Variants in LAMC2 observed in about 807,000 individuals in gnomAD.
The protein encoded by LAMC2 is laminin subunit gamma 2.
A neutral mutation model predicts 140.2 loss-of-function variants in LAMC2; 97 were observed. The ratio of observed to expected loss-of-function variants is 0.69; its 90% CI spans 0.59 to 0.82. The LOEUF is 0.82. LAMC2 is among the 40% of genes least tolerant of loss of function. LAMC2 has a pLI of 0.00. For synonymous variants in LAMC2, 513 were observed against 540.2 expected, an observed-to-expected ratio of 0.95 and a Z score of 0.70; for missense variants, 1,402 against 1,476.1, an observed-to-expected ratio of 0.95 and a Z score of 0.82.
At chr1:183,239,238 C>G (rs1660053491) in intron 19 of LAMC2, 126 bp from the exon 20 acceptor site, 1 of 885,378 alleles carries the variant, frequency 1.1e-6, no homozygotes, top group African/African-American at 1.6e-5. Context: ...CCGTAACTTC[C>G]CACACCGTCA....
chr1:183,192,148 A>G (rs1445137832), intron 1 of LAMC2, among the ~76,000 whole-genome samples: 5 of 152,208 alleles, frequency 3.3e-5, no homozygotes, highest in African/African-American at 7.2e-5. Flanking sequence ...GCACTGATCT[A>G]TGGAAGAACC....
intron 1 of LAMC2, among the ~76,000 whole-genome samples, chr1:183,201,109 G>C (rs1317022031): frequency 6.6e-6 from 1 of 152,156 alleles, no homozygotes; most frequent in Non-Finnish European, 1.5e-5. Context: ...GAGGGAGCTG[G>C]AGTGAGGGGG....
downstream of LAMC2, chr1:183,249,930 C>G (rs1660331109): frequency 6.6e-6 from 1 of 152,076 alleles, no homozygotes; most frequent in Non-Finnish European, 1.5e-5. Flanking sequence ...CTTTCCCTCC[C>G]CACTCCCACA....
intron 4 of LAMC2, among the ~76,000 whole-genome samples, 161 bp from the exon 5 acceptor site, chr1:183,220,664 G>A (rs187503528): frequency 1.5e-4 from 23 of 152,184 alleles, no homozygotes; most frequent in African/African-American, 4.8e-4. Context: ...CCATCTGGTG[G>A]TCTGGGGGTG....
intron 15 of LAMC2, 59 bp downstream of exon 15, chr1:183,234,505 T>TTTC: frequency 1.5e-6 from 2 of 1,333,486 alleles, no homozygotes; most frequent in Non-Finnish European, 2.2e-6. Flanking sequence ...CAGACTTGAA[T>TTTC]AAGAGTGTAG....
chr1:183,197,097 C>T (rs1451322629), intron 1 of LAMC2, among the ~76,000 whole-genome samples: 1 of 152,086 alleles, frequency 6.6e-6, no homozygotes, highest in Admixed American at 6.5e-5. Flanking sequence ...TTTCTGATTG[C>T]TGAGTGGAGG....
intron 1 of LAMC2, 47 bp from the exon 2 acceptor site, chr1:183,207,834 T>A (rs766289079): frequency 1.6e-6 from 2 of 1,223,824 alleles, no homozygotes; most frequent in South Asian, 2.4e-5. Flanking sequence ...GTTCCTGAGG[T>A]GTTTTTTTTT....
At chr1:183,246,282 A>C (rs1296207235), downstream of LAMC2, among the ~76,000 whole-genome samples, 1 of 152,240 alleles carries the variant, frequency 6.6e-6, no homozygotes, top group Admixed American at 6.5e-5. Context: ...TTGATGTACA[A>C]ATAATTCTCT....
intron 3 of LAMC2, among the ~76,000 whole-genome samples, chr1:183,218,183 C>T (rs2102214880): frequency 6.6e-6 from 1 of 152,336 alleles, no homozygotes; most frequent in Admixed American, 6.5e-5. Context: ...CTGCTACCCA[C>T]CAAGTACACT....
chr1:183,247,067 T>A (rs1003799526), downstream of LAMC2, among the ~76,000 whole-genome samples: 3 of 152,216 alleles, frequency 2.0e-5, no homozygotes, highest in Non-Finnish European at 4.4e-5. Flanking sequence ...TCCCAGCACT[T>A]TGGGAGGCCA....
Position 183,227,579 on chromosome 1 carries a change from C to G in LAMC2, c.1350C>G (p.Tyr450Ter). ...GTGCTGACTGCCCAATTGGTTTCTACAACGATCCGCACGACCCCCGCAGCT... is the reference window on the plus strand; with the variant it reads ...GTGCTGACTGCCCAATTGGTTTCTAGAACGATCCGCACGACCCCCGCAGCT... ...IECADCPIGF[Y>*]NDPHDPRSCK... Residue 450 changes from tyrosine to a stop codon, truncating the protein, a stop_gained, in exon 10 of 23, where the codon TAC becomes TAG. Transcript: ENST00000264144. LOFTEE classifies it high-confidence loss of function. The G allele has an allele frequency of 6.2e-7, 1 of 1,614,084 alleles. No individual in the cohort carries two copies. Among genetic ancestry groups the G allele is most frequent in the Non-Finnish European group, 8.5e-7 (1 of 1,180,012 alleles).
intron 3 of LAMC2, among the ~76,000 whole-genome samples, chr1:183,216,493 G>A (rs998300256): frequency 3.3e-5 from 5 of 152,002 alleles, no homozygotes; most frequent in Non-Finnish European, 5.9e-5. Flanking sequence ...TTGGTTTCTC[G>A]TCACTTTCCT....
At chr1:183,254,883 G>C in the LAMC2 span, among the ~76,000 whole-genome samples, 1 of 152,034 alleles carries the variant, frequency 6.6e-6, no homozygotes, top group African/African-American at 2.4e-5. Flanking sequence ...TCATTTTGTT[G>C]GTTGTTTCCT....
At chr1:183,218,839 G>A (rs752822151) in intron 4 of LAMC2, among the ~76,000 whole-genome samples, 4 of 152,202 alleles carry the variant, frequency 2.6e-5, no homozygotes, top group Non-Finnish European at 5.9e-5. Context: ...GACACAGGCT[G>A]GTTGCAGGAA....
rs1659529268 is a variant in LAMC2, at chr1:183,223,286, G to C, written c.915G>C (p.Lys305Asn). ...CAGCTCCCTTGATGCCACTTGGCAA[G>C]ACACTGCCTTGTGGGCTCACCAAGA... The part of the protein sequence containing the change: ...RITAPLMPLG[K>N]TLPCGLTKTY... The change falls in exon 7 of 23, where the codon AAG becomes AAC. Residue 305 changes from lysine to asparagine, a missense_variant. Physicochemically the swap from Lys to Asn is moderately conservative, Grantham distance 94. This residue lies in a region of LAMC2 where 723 missense variants were observed against 783.3 expected (regional missense o/e 0.92). Transcript: ENST00000264144. 1 of 1,614,096 alleles carries C rather than the reference G, an allele frequency of 6.2e-7. No homozygotes were observed.
At chr1:183,223,458 G>A (rs1213981728) in intron 7 of LAMC2, 134 bp downstream of exon 7, 29 of 803,194 alleles carry the variant, frequency 3.6e-5, no homozygotes, top group Non-Finnish European at 4.7e-5. Flanking sequence ...CATGAAGGTT[G>A]CTATGTGCTG....
In LAMC2 at chr1:183,215,482, G is replaced by A. The variant is rs755322403; in HGVS notation, c.298G>A (p.Gly100Arg). 1.6e-5 allele frequency: 26 copies of A among 1,613,926 alleles called. No individual in the cohort carries two copies. The highest frequency in any genetic ancestry group is 1.3e-4 in the East Asian group (6 of 44,886). The change falls in exon 3 of 23, where the codon GGA (glycine) becomes AGA (arginine). Residue 100 changes from glycine (G) to arginine (R), a missense_variant. Gly to Arg is a moderately radical substitution (Grantham distance 125). Coordinates refer to ENST00000264144, the MANE Select transcript of LAMC2 (RefSeq NM_005562.3). ...GSLSARCDNSGRCSCKPGVTG... is the reference protein window; with the variant it reads ...GSLSARCDNSRRCSCKPGVTG... ...TCTTAGTGCTCGATGTGACAACTCC[G>A]GACGGTGCAGCTGTAAACCAGGTGT... is the stretch of plus-strand genomic sequence containing the variant.
rs1660196345 is a variant in LAMC2 at position 183,244,243 on chromosome 1, C to T, written c.*843C>T. 6.6e-6 allele frequency: 1 copy of T among 152,194 alleles called. No homozygotes were observed. Among genetic ancestry groups the T allele is most frequent in the African/African-American group, 2.4e-5 (1 of 41,446 alleles). 9.4% of individuals were successfully genotyped at this position (152,194 alleles called of 1,614,324 possible). A position where few individuals can be genotyped will look rare whatever the true frequency, so the allele number is the denominator to read the frequency against. On this transcript the variant is annotated 3_prime_UTR_variant, in exon 23 of 23. Coordinates refer to ENST00000264144, the MANE Select transcript of LAMC2 (RefSeq NM_005562.3). The stretch of plus-strand genomic sequence containing the variant: ...TTCTCTAGATTTATTAGTCCTAATT[C>T]AATCCTACTTTTCGAACACCAAAAA...
Position 183,228,358 on chromosome 1 carries a change from AT to A in LAMC2, c.1469-13del, listed in dbSNP as rs750179218. The A allele has an allele frequency of 6.2e-7, 1 of 1,614,006 alleles. No individual in the cohort carries two copies. Among genetic ancestry groups the A allele is most frequent in the South Asian group, 1.1e-5 (1 of 91,050 alleles). On this transcript the variant is annotated splice_polypyrimidine_tract_variant and intron_variant, in intron 10 of 22. Coordinates refer to ENST00000264144, the MANE Select transcript of LAMC2 (RefSeq NM_005562.3). The surrounding 1 kb of genome is among the most constrained non-coding windows in gnomAD (Gnocchi z 4.3). ...GATGGATGTCGACCTAGGCTTGGTC[AT>A]TTGTTCCTTCCCAGGTGCCCGCTGT...
Sources: gnomAD v4.1 joint callset for allele counts (sites outside exome capture counted in the v4.1 genomes callset) on GRCh38, gnomAD v4.1.1 for gene constraint, gnomAD v4.1.1 regional missense constraint, Gnocchi (gnomAD v3.1) non-coding constraint, MANE v1.5 for transcripts, NCBI Gene and HGNC (gene_info 2026-07-23, HGNC 2026-07-21) for gene names.